MTARC2: variants seen among roughly 807,000 people sequenced by gnomAD.
MTARC2 encodes the protein mitochondrial amidoxime reducing component 2.
Under a neutral mutation model 35.6 loss-of-function variants are expected in MTARC2, and 27 were observed. The ratio of observed to expected loss-of-function variants is 0.76; its 90% CI spans 0.56 to 1.04. MTARC2 has a LOEUF of 1.04. Among genes scored for constraint, MTARC2 ranks in the 50% least tolerant of loss-of-function variants. The pLI, the probability that MTARC2 is intolerant of heterozygous loss-of-function variation, is 0.00. For missense variants in MTARC2, 412 were observed against 432.5 expected (o/e 0.95, Z 0.42); for synonymous variants, 158 against 167.1 (o/e 0.95, Z 0.42).
In MTARC2 at chr1:220,748,639, G is replaced by T; in HGVS notation, c.108G>T (p.Gly36=). The change falls in exon 1 of 8, where the codon GGG becomes GGT. Residue 36 remains glycine (G), a synonymous_variant. Transcript: ENST00000366913. ...AALGLAAVAL[G]TVAWRRAWPR... is the part of the protein sequence containing the mutation. ...TAGGACTGGCCGCCGTGGCCCTGGG[G>T]ACTGTCGCCTGGCGCCGCGCATGGC... 6.5e-7 allele frequency: 1 copy of T among 1,532,604 alleles called. No homozygotes were observed. The highest frequency in any genetic ancestry group is 1.2e-5 in the South Asian group (1 of 82,450). The allele number at this position is 1,532,604 out of a possible 1,614,324, so 94.9% of individuals were successfully genotyped here.
rs144683905 is a variant in MTARC2, at chr1:220,760,749, T to C, written c.447-909T>C. Among the ~76,000 whole-genome samples, 335 of 152,258 alleles carry C rather than the reference T, an allele frequency of 2.2e-3. 1 individual carries two copies. The highest frequency in any genetic ancestry group is 1.2e-3 in the Non-Finnish European group (79 of 68,016). ...TAAGAAACAAAACAAATTTAATTGATTCAAAAGAAATACAGTAAGTGAGCG... is the reference window on the plus strand; with the variant it reads ...TAAGAAACAAAACAAATTTAATTGACTCAAAAGAAATACAGTAAGTGAGCG... On this transcript the variant is annotated intron_variant, in intron 2 of 7. Transcript: ENST00000366913.
At chr1:220,756,591 T>A (rs960293758) in intron 2 of MTARC2, among the ~76,000 whole-genome samples, 3 of 152,230 alleles carry the variant, frequency 2.0e-5, no homozygotes, top group Non-Finnish European at 2.9e-5. Context: ...AGCTTTTCCA[T>A]AAATGACAGG....
At position 220,784,010 on chromosome 1, in the gene MTARC2, T is replaced by C; in HGVS notation, c.*123T>C. ...TTATTATCCAGCCTTCAACTATCTT[T>C]ACCCTGGAAAACAATCTCGATTTTT... On this transcript the variant is annotated 3_prime_UTR_variant, in exon 8 of 8. Coordinates refer to ENST00000366913, the MANE Select transcript of MTARC2 (RefSeq NM_017898.5). 4 of 715,320 alleles carry C rather than the reference T, an allele frequency of 5.6e-6. No individual in the cohort carries two copies. Among genetic ancestry groups the C allele is most frequent in the Non-Finnish European group, 1.0e-5 (4 of 384,120 alleles). 44.3% of individuals were successfully genotyped at this position (715,320 alleles called of 1,614,324 possible). A position where few individuals can be genotyped will look rare whatever the true frequency, so the allele number is the denominator to read the frequency against.
At chr1:220,756,153 T>C (rs1358434303) in intron 2 of MTARC2, 1 of 152,264 alleles carries the variant, frequency 6.6e-6, no homozygotes, top group Admixed American at 6.5e-5. Flanking sequence ...TGTTGGGTTG[T>C]CAAGTTCCGT....
intron 4 of MTARC2, among the ~76,000 whole-genome samples, chr1:220,768,626 G>A (rs1342526455): frequency 1.3e-5 from 2 of 152,154 alleles, no homozygotes; most frequent in Non-Finnish European, 2.9e-5. Context: ...CCCAGTCACT[G>A]TGGATGGGCT....
Position 220,748,603 on chromosome 1 carries a change from G to A in MTARC2, c.72G>A (p.Gly24=), listed in dbSNP as rs337188. ...CCCGGCCCTGGCCCAGGTGGCTCGG[G>A]GTCGCCGCGCTAGGACTGGCCGCCG... is the stretch of plus-strand genomic sequence containing the variant. The part of the protein sequence containing the change: ...LPARPWPRWL[G]VAALGLAAVA... The change falls in exon 1 of 8, where the codon GGG becomes GGA. Residue 24 remains glycine (G), a synonymous_variant. Transcript: ENST00000366913. 2 of 1,454,272 alleles carry A rather than the reference G, an allele frequency of 1.4e-6. No homozygotes were observed. The highest frequency in any genetic ancestry group is 2.9e-5 in the Admixed American group (1 of 34,440). 90.1% of individuals were successfully genotyped at this position (1,454,272 alleles called of 1,614,324 possible).
intron 7 of MTARC2, 59 bp downstream of exon 7, chr1:220,781,991 G>T (rs191467985): frequency 3.5e-6 from 5 of 1,423,732 alleles, no homozygotes; most frequent in Non-Finnish European, 4.7e-6. Flanking sequence ...GCATTTTCTT[G>T]TGTTAATTTT....
intron 7 of MTARC2, 95 bp from the exon 8 acceptor site, chr1:220,783,824 T>G (rs1013080439): frequency 1.4e-6 from 1 of 713,956 alleles, no homozygotes; most frequent in Non-Finnish European, 2.6e-6. Flanking sequence ...TTTATATGTG[T>G]AACCTCAATA....
At chr1:220,762,781 C>A in intron 3 of MTARC2, 129 bp from the exon 4 acceptor site, 1 of 986,734 alleles carries the variant, frequency 1.0e-6, no homozygotes, top group Non-Finnish European at 1.5e-6. Context: ...TCACATCTCT[C>A]TCCTTCCTGA....
At chr1:220,781,252 T>C (rs1174856524) in intron 6 of MTARC2, among the ~76,000 whole-genome samples, 1 of 152,198 alleles carries the variant, frequency 6.6e-6, no homozygotes, top group Non-Finnish European at 1.5e-5. Context: ...CTGTGAAAGT[T>C]ATTGTTTTCT....
chr1:220,749,033 C>T (rs1378086539), intron 1 of MTARC2, among the ~76,000 whole-genome samples: 2 of 152,230 alleles, frequency 1.3e-5, no homozygotes, highest in Non-Finnish European at 2.9e-5. Context: ...CGAGAGATTC[C>T]TCCTCTGTAA....
At position 220,780,069 on chromosome 1, in the gene MTARC2, G is replaced by A. The variant is rs1443876121; in HGVS notation, c.802G>A (p.Ala268Thr). 5.2e-6 allele frequency: 8 copies of A among 1,553,264 alleles called. No individual in the cohort carries two copies. Among genetic ancestry groups the A allele is most frequent in the South Asian group, 3.8e-5 (3 of 79,596 alleles). Residue 268 changes from alanine (A) to threonine (T), a missense_variant, in exon 5 of 8, where the codon GCA (alanine) becomes ACA (threonine). Coordinates refer to ENST00000366913, the MANE Select transcript of MTARC2 (RefSeq NM_017898.5). ...IGSVEVKKVM[A>T]CPRCILTTVD... ...TAGTGTAGAAGTGAAAAAGGTAATG[G>A]CATGCCCCAGGTAAGGAGCCTAGCT...
At chr1:220,753,660 T>C (rs1671195785) in intron 1 of MTARC2, among the ~76,000 whole-genome samples, 1 of 152,174 alleles carries the variant, frequency 6.6e-6, no homozygotes, top group African/African-American at 2.4e-5. Context: ...TTTATCCTCC[T>C]CACATTTGGA....
At chr1:220,770,101 T>C (rs936081981) in intron 4 of MTARC2, among the ~76,000 whole-genome samples, 1 of 151,346 alleles carries the variant, frequency 6.6e-6, no homozygotes, top group African/African-American at 2.4e-5. Flanking sequence ...AGCAAGACTC[T>C]GTCTCAAAAA....
intron 4 of MTARC2, among the ~76,000 whole-genome samples, chr1:220,778,265 AAAAG>A (rs1553254994): frequency 5.8e-5 from 8 of 138,552 alleles, no homozygotes; most frequent in East Asian, 2.4e-4. Context: ...AAAAAAAAAA[AAAAG>A]AAAGAAAGAA....
At chr1:220,762,300 A>G (rs1309769628) in intron 3 of MTARC2, among the ~76,000 whole-genome samples, 1 of 152,122 alleles carries the variant, frequency 6.6e-6, no homozygotes, top group Non-Finnish European at 1.5e-5. Context: ...CCTGGCAGCT[A>G]TTTTTCAAAT....
intron 4 of MTARC2, among the ~76,000 whole-genome samples, chr1:220,774,776 C>G (rs1159488671): frequency 6.6e-6 from 1 of 152,192 alleles, no homozygotes; most frequent in African/African-American, 2.4e-5. Flanking sequence ...CTGTGGTCAG[C>G]TGGTATTTAA....
intron 1 of MTARC2, among the ~76,000 whole-genome samples, chr1:220,749,723 G>GC (rs1021671176): frequency 6.6e-6 from 1 of 152,096 alleles, no homozygotes; most frequent in African/African-American, 2.4e-5. Flanking sequence ...GAGCCACTGT[G>GC]CCCAGCCAAG....
intron 2 of MTARC2, among the ~76,000 whole-genome samples, chr1:220,757,117 G>C (rs1347383394): frequency 6.6e-6 from 1 of 152,228 alleles, no homozygotes; most frequent in Non-Finnish European, 1.5e-5. Flanking sequence ...GGCCAGGCTG[G>C]TTTCGAACTC....
Sources: gnomAD v4.1 joint callset for allele counts (sites outside exome capture counted in the v4.1 genomes callset) on GRCh38, gnomAD v4.1.1 for gene constraint, MANE v1.5 for transcripts, NCBI Gene and HGNC (gene_info 2026-07-23, HGNC 2026-07-21) for gene names.